The following FKRP variants were observed in gnomAD, a reference collection of about 807,000 sequenced individuals.
FKRP encodes the protein fukutin related protein.
A neutral mutation model predicts 30.6 loss-of-function variants in FKRP; 25 were observed. That is an observed-to-expected ratio of 0.82 (90% CI 0.60 to 1.14). The LOEUF (loss-of-function observed/expected upper bound fraction) is 1.14. Ranked by LOEUF, FKRP falls within the 50% of genes most tolerant of loss-of-function variation. The probability of loss-of-function intolerance (pLI) is 0.00; values close to 1 mark genes in which losing one functional copy is unlikely to be tolerated. For missense variants in FKRP, 771 were observed against 727.8 expected, an observed-to-expected ratio of 1.06 and a Z score of -0.68; for synonymous variants, 358 against 342.5, an observed-to-expected ratio of 1.05 and a Z score of -0.50.
upstream of FKRP, chr19:46,745,889 G>A (rs2054582606): frequency 5.5e-6 from 2 of 360,904 alleles, no homozygotes; most frequent in Non-Finnish European, 9.8e-6. Flanking sequence ...CTTTCTCTCG[G>A]CCGGTCCCGG....
chr19:46,755,954 C>T lies in FKRP; in HGVS notation c.504C>T (p.Cys168=). The change falls in exon 4 of 4, where the codon TGC becomes TGT. Residue 168 remains cysteine, a synonymous_variant. Coordinates refer to ENST00000318584, the MANE Select transcript of FKRP (RefSeq NM_024301.5). ...TTGCCACGGCCAACCCTGCCAGGTG[C>T]CTGGCCCTGAACGTCAGCCTGCGAG... ...APVATANPAR[C]LALNVSLREW... The T allele has an allele frequency of 6.5e-7, 1 of 1,536,798 alleles. No individual in the cohort carries two copies. Among genetic ancestry groups the T allele is most frequent in the Non-Finnish European group, 8.7e-7 (1 of 1,147,482 alleles).
intron 3 of FKRP, among the ~76,000 whole-genome samples, chr19:46,751,172 C>T (rs1244471248): frequency 6.6e-6 from 1 of 151,816 alleles, no homozygotes; most frequent in Non-Finnish European, 1.5e-5. Flanking sequence ...AAGTGATCCT[C>T]CTACCTCAGC....
At chr19:46,753,118 C>G (rs373773792) in intron 3 of FKRP, among the ~76,000 whole-genome samples, 1 of 144,978 alleles carries the variant, frequency 6.9e-6, no homozygotes, top group Non-Finnish European at 1.5e-5. Flanking sequence ...GTGAGCCAGT[C>G]GCACCACCGC....
chr19:46,746,234 G>A, intron 1 of FKRP, 144 bp downstream of exon 1: 1 of 1,522,276 alleles, frequency 6.6e-7, no homozygotes, highest in Non-Finnish European at 8.7e-7. Context: ...CAGGATCCCC[G>A]GCAGGCTCAG....
At chr19:46,751,140 G>A (rs1182560936) in intron 3 of FKRP, among the ~76,000 whole-genome samples, 2 of 151,110 alleles carry the variant, frequency 1.3e-5, no homozygotes, top group Non-Finnish European at 2.9e-5. Context: ...ACAGCTCACT[G>A]CACCCTTGAC....
chr19:46,755,553 C>T lies in FKRP; in HGVS notation c.103C>T (p.Arg35Trp), dbSNP rs1157545139. The T allele has an allele frequency of 1.9e-6, 3 of 1,607,356 alleles. No homozygotes were observed. Among genetic ancestry groups the T allele is most frequent in the Non-Finnish European group, 2.5e-6 (3 of 1,177,220 alleles). ...GCTGCAGCACCAGCCTAGGAATTCC[C>T]GGGCCCGGGGGCCCCGTCGTGCCTC... ...SWLQHQPRNS[R>W]ARGPRRASAA... is the part of the protein sequence containing the mutation. Residue 35 changes from arginine (R) to tryptophan (W), a missense_variant, in exon 4 of 4, where the codon CGG (arginine) becomes TGG (tryptophan). Physicochemically the swap from Arg to Trp is moderately radical, Grantham distance 101. Transcript: ENST00000318584.
intron 3 of FKRP, among the ~76,000 whole-genome samples, chr19:46,754,633 G>A (rs913611486): frequency 6.6e-6 from 1 of 151,666 alleles, no homozygotes; most frequent in African/African-American, 2.4e-5. Flanking sequence ...TCGAGACGGA[G>A]TCTCGCTGTG....
In FKRP at chr19:46,755,421, G is replaced by T; in HGVS notation, c.-30G>T. On this transcript the variant is annotated 5_prime_UTR_variant, in exon 4 of 4. Coordinates refer to ENST00000318584, the MANE Select transcript of FKRP (RefSeq NM_024301.5). ...CGTCCCCCTCCCCCAGGATGCCCCG[G>T]AGGCCCAGCTAGCCCCAGACTTCGG... is the stretch of plus-strand genomic sequence containing the variant. 1 of 1,589,750 alleles carries T rather than the reference G, an allele frequency of 6.3e-7. No homozygotes were observed. Among genetic ancestry groups the T allele is most frequent in the Non-Finnish European group, 8.5e-7 (1 of 1,173,912 alleles).
At chr19:46,753,569 C>T (rs896037536) in intron 3 of FKRP, among the ~76,000 whole-genome samples, 2 of 151,532 alleles carry the variant, frequency 1.3e-5, no homozygotes, top group Admixed American at 6.6e-5. Flanking sequence ...GAATGGGGGG[C>T]AGACAAGGGG....
chr19:46,751,557 T>A (rs2054792949), intron 3 of FKRP, among the ~76,000 whole-genome samples: 2 of 128,876 alleles, frequency 1.6e-5, no homozygotes, highest in South Asian at 4.9e-4. Context: ...TTTTTTGTAT[T>A]TTTTTTTTTT....
chr19:46,752,176 T>C (rs570480436), intron 3 of FKRP, among the ~76,000 whole-genome samples: 1 of 152,292 alleles, frequency 6.6e-6, no homozygotes, highest in African/African-American at 2.4e-5. Context: ...CAGAAGGGCC[T>C]GAGCAGAGCC....
At position 46,747,387 on chromosome 19, in the gene FKRP, AT is replaced by A. The variant is rs561622117; in HGVS notation, c.-252-617del. On this transcript the variant is annotated intron_variant, in intron 1 of 3. Transcript: ENST00000318584. The stretch of plus-strand genomic sequence containing the variant: ...GGAACCAAGCCCAACAAAGGAGGGG[AT>A]TTTTTTTTTTTTTTTTTTTTTTGAG... 4.5e-3 allele frequency: 489 copies of A among 109,094 alleles called. 1 individual carries two copies. Among genetic ancestry groups the A allele is most frequent in the African/African-American group, 0.01 (283 of 27,972 alleles). The allele number at this position is 109,094 out of a possible 1,614,324, so 6.8% of individuals were successfully genotyped here.
intron 3 of FKRP, among the ~76,000 whole-genome samples, chr19:46,751,302 G>A (rs370476028): frequency 1.3e-5 from 2 of 152,172 alleles, no homozygotes; most frequent in East Asian, 1.9e-4. Context: ...GGTCTCAAGC[G>A]ATCTGCCTAC....
rs780087471 is a variant in FKRP at position 46,756,499 on chromosome 19, C to G, written c.1049C>G (p.Ala350Gly). 6.4e-7 allele frequency: 1 copy of G among 1,555,326 alleles called. No homozygotes were observed. Among genetic ancestry groups the G allele is most frequent in the South Asian group, 1.2e-5 (1 of 84,084 alleles). ...YWLEGGSLLG[A>G]ARHGDIIPWD... ...CTCGAGGGCGGCTCACTGCTGGGGGCCGCCCGCCACGGGGACATCATCCCA... is the reference window on the plus strand; with the variant it reads ...CTCGAGGGCGGCTCACTGCTGGGGGGCGCCCGCCACGGGGACATCATCCCA... Residue 350 changes from alanine (A) to glycine (G), a missense_variant, in exon 4 of 4, where the codon GCC becomes GGC. Ala to Gly is a moderately conservative substitution (Grantham distance 60). Coordinates refer to ENST00000318584, the MANE Select transcript of FKRP (RefSeq NM_024301.5). The surrounding 1 kb of genome is among the most constrained non-coding windows in gnomAD (Gnocchi z 6.6).
In FKRP at chr19:46,754,958, A is replaced by T. The variant is rs762424936; in HGVS notation, c.-39-454A>T. On this transcript the variant is annotated intron_variant, in intron 3 of 3. Coordinates refer to ENST00000318584, the MANE Select transcript of FKRP (RefSeq NM_024301.5). ...CAGCACCCCACTTAAAATTTTTTTT[A>T]AATTCTGATTAAGTATATATAACAT... 4.9e-3 allele frequency among the ~76,000 whole-genome samples: 746 copies of T among 151,854 alleles called. 7 individuals are homozygous for T. The highest frequency in any genetic ancestry group is 8.4e-3 in the Non-Finnish European group (569 of 67,918).
At chr19:46,745,668 T>C (rs1297633611), upstream of FKRP, 1 of 152,188 alleles carries the variant, frequency 6.6e-6, no homozygotes, top group East Asian at 2.0e-4. Flanking sequence ...GGGGTCGGGG[T>C]CGGGAGTCCC....
At position 46,750,767 on chromosome 19, in the gene FKRP, G is replaced by A. The variant is rs2935822; in HGVS notation, c.-40+2102G>A. On this transcript the variant is annotated intron_variant, in intron 3 of 3. Transcript: ENST00000318584. ...TGGTGTTGAACTCCTGAGCTCAAGC[G>A]ATCCTCCTGCCTCAGCTTCCCATAG... 2.5e-3 allele frequency among the ~76,000 whole-genome samples: 384 copies of A among 151,754 alleles called. 2 individuals carry two copies. Among genetic ancestry groups the A allele is most frequent in the African/African-American group, 8.7e-3 (359 of 41,376 alleles).
At position 46,756,006 on chromosome 19, in the gene FKRP, C is replaced by G. The variant is rs778558741; in HGVS notation, c.556C>G (p.Pro186Ala). ...GTGGACCGCCCGCTATGGCGCAGCC[C>G]CCGCCGCGCCCCGCTGCGACGCCCT... Reference protein sequence around the residue: ...REWTARYGAAPAAPRCDALDG... With the variant: ...REWTARYGAAAAAPRCDALDG... Residue 186 changes from proline to alanine, a missense_variant, in exon 4 of 4, where the codon CCC becomes GCC. Transcript: ENST00000318584. The surrounding 1 kb of genome is among the most constrained non-coding windows in gnomAD (Gnocchi z 6.6). 6 of 1,559,344 alleles carry G rather than the reference C, an allele frequency of 3.8e-6. No homozygotes were observed. Among genetic ancestry groups the G allele is most frequent in the Non-Finnish European group, 5.2e-6 (6 of 1,161,354 alleles).
Position 46,757,132 on chromosome 19 carries a change from C to A in FKRP, c.*194C>A. 1 of 736,288 alleles carries A rather than the reference C, an allele frequency of 1.4e-6. No individual in the cohort carries two copies. The highest frequency in any genetic ancestry group is 2.3e-6 in the Non-Finnish European group (1 of 434,476). 45.6% of individuals were successfully genotyped at this position (736,288 alleles called of 1,614,324 possible). A position where few individuals can be genotyped will look rare whatever the true frequency, so the allele number is the denominator to read the frequency against. On this transcript the variant is annotated 3_prime_UTR_variant, in exon 4 of 4. Coordinates refer to ENST00000318584, the MANE Select transcript of FKRP (RefSeq NM_024301.5). ...CACCAGGACGAGGATGGGAAGCGAC[C>A]TCCAGATTTATCAAATGGTCATGCC...
Sources: gnomAD v4.1 joint callset for allele counts (sites outside exome capture counted in the v4.1 genomes callset) on GRCh38, gnomAD v4.1.1 for gene constraint, Gnocchi (gnomAD v3.1) non-coding constraint, MANE v1.5 for transcripts, NCBI Gene and HGNC (gene_info 2026-07-23, HGNC 2026-07-21) for gene names.